The following EEA1 variants were observed in gnomAD, a reference collection of about 807,000 sequenced individuals.
EEA1 encodes the protein early endosome antigen 1, also known as early endosome antigen 1, 162kD.
EEA1 carries 111 observed loss-of-function variants against 209.2 expected under a neutral mutation model. The ratio of observed to expected loss-of-function variants is 0.53; its 90% CI spans 0.45 to 0.62. The LOEUF (loss-of-function observed/expected upper bound fraction) is 0.62. Among genes scored for constraint, EEA1 ranks in the 20% least tolerant of loss-of-function variants. The probability of loss-of-function intolerance (pLI) is 0.00; values close to 1 mark genes in which losing one functional copy is unlikely to be tolerated. For synonymous variants in EEA1, 536 were observed against 540.6 expected (o/e 0.99, Z 0.12); for missense variants, 1,343 against 1,530.8 (o/e 0.88, Z 2.05).
At chr12:92,882,631 C>T (rs58306576) in intron 2 of EEA1, among the ~76,000 whole-genome samples, 2,629 of 152,140 alleles carry the variant, frequency 0.017, 93 homozygotes, top group African/African-American at 0.061. Context: ...TCCATGAGTA[C>T]CCAATGTTTA....
chr12:92,847,460 T>TA (rs530625202), intron 9 of EEA1, among the ~76,000 whole-genome samples: 226 of 152,238 alleles, frequency 1.5e-3, no homozygotes, highest in African/African-American at 5.2e-3. Flanking sequence ...AAGGAAAAGC[T>TA]AAAAAACAAA....
chr12:92,867,244 T>C (rs1249488421), intron 2 of EEA1, among the ~76,000 whole-genome samples: 1 of 152,178 alleles, frequency 6.6e-6, no homozygotes, highest in East Asian at 1.9e-4. Flanking sequence ...GCCATCATAC[T>C]TCAAATTTCT....
intron 11 of EEA1, 43 bp from the exon 12 acceptor site, chr12:92,828,104 A>G: frequency 1.4e-6 from 2 of 1,410,168 alleles, no homozygotes; most frequent in South Asian, 1.7e-5. Flanking sequence ...ATGTACAAAC[A>G]CACACACAGC....
intron 3 of EEA1, among the ~76,000 whole-genome samples, chr12:92,862,322 G>A (rs1446903626): frequency 3.3e-5 from 5 of 152,286 alleles, no homozygotes; most frequent in African/African-American, 7.2e-5. Context: ...CTGGCCAGGC[G>A]CAGTGACTCA....
chr12:92,909,833 A>T lies in EEA1; in HGVS notation c.25-18112T>A, dbSNP rs563994816. ...GGAGCCCAAGACCAGCCTGGGCAACATGGTGAGACCCCGCCTTAATAAATT... is the reference window on the plus strand; with the variant it reads ...GGAGCCCAAGACCAGCCTGGGCAACTTGGTGAGACCCCGCCTTAATAAATT... On this transcript the variant is annotated intron_variant, in intron 1 of 28. Transcript: ENST00000322349. Among the ~76,000 whole-genome samples the T allele has an allele frequency of 9.9e-5, 15 of 152,044 alleles. No homozygotes were observed. In the East Asian group the frequency reaches 2.7e-3, roughly 28 times the overall value.
intron 11 of EEA1, among the ~76,000 whole-genome samples, chr12:92,830,736 G>T (rs562685011): frequency 6.6e-6 from 1 of 152,282 alleles, no homozygotes; most frequent in African/African-American, 2.4e-5. Context: ...AGATCACTAT[G>T]GATAGTGCAT....
chr12:92,849,866 C>T (rs998019180), intron 9 of EEA1, among the ~76,000 whole-genome samples: 4 of 151,948 alleles, frequency 2.6e-5, no homozygotes, highest in Non-Finnish European at 4.4e-5. Flanking sequence ...ACTTTTTAAA[C>T]TGAAAATATG....
intron 1 of EEA1, among the ~76,000 whole-genome samples, chr12:92,894,902 A>G (rs768690632): frequency 6.6e-6 from 1 of 152,190 alleles, no homozygotes; most frequent in Non-Finnish European, 1.5e-5. Context: ...ATAGCTAGAG[A>G]AGAGAAATCA....
Position 92,797,150 on chromosome 12 carries a change from C to T in EEA1, c.2967+1742G>A, listed in dbSNP as rs149888809. Among the ~76,000 whole-genome samples the T allele has an allele frequency of 5.3e-4, 81 of 152,294 alleles. 1 individual carries two copies. The highest frequency in any genetic ancestry group is 8.8e-4 in the Non-Finnish European group (60 of 68,026). ...TTGCCCAAGCTGGAGTGCAGTGGCA[C>T]GATCTTGGCTCACTGCAACCTCTGC... On this transcript the variant is annotated intron_variant, in intron 21 of 28. Transcript: ENST00000322349.
chr12:92,856,078 G>A (rs982594739), intron 5 of EEA1, among the ~76,000 whole-genome samples: 1 of 152,080 alleles, frequency 6.6e-6, no homozygotes, highest in Non-Finnish European at 1.5e-5. Context: ...AATTCTTGGT[G>A]CAAAGGCTTT....
intron 16 of EEA1, among the ~76,000 whole-genome samples, chr12:92,812,638 C>T (rs1875573767): frequency 6.6e-6 from 1 of 152,082 alleles, no homozygotes; most frequent in African/African-American, 2.4e-5. Context: ...GTGGTCTGCC[C>T]CATCCAATCA....
intron 6 of EEA1, 69 bp downstream of exon 6, chr12:92,853,846 A>G: frequency 7.0e-7 from 1 of 1,422,062 alleles, no homozygotes; most frequent in East Asian, 2.4e-5. Flanking sequence ...CAGGCATCAA[A>G]GAAAAAGAAA....
chr12:92,923,272 C>T (rs898730621), intron 1 of EEA1, among the ~76,000 whole-genome samples: 29 of 152,144 alleles, frequency 1.9e-4, no homozygotes, highest in African/African-American at 5.8e-4. Flanking sequence ...GGCGTGAACC[C>T]GGGAGGCGGA....
At chr12:92,857,954 C>A in intron 3 of EEA1, 1 of 238,636 alleles carries the variant, frequency 4.2e-6, no homozygotes, top group Non-Finnish European at 8.1e-6. Flanking sequence ...CACTCTGCAC[C>A]ACCATTGGTT....
chr12:92,882,429 T>C (rs1299104293), intron 2 of EEA1, among the ~76,000 whole-genome samples: 1 of 151,994 alleles, frequency 6.6e-6, no homozygotes, highest in Non-Finnish European at 1.5e-5. Flanking sequence ...TTTCCACTTT[T>C]ATTTTAGATT....
At chr12:92,895,989 T>C (rs78897010) in intron 1 of EEA1, among the ~76,000 whole-genome samples, 1 of 151,902 alleles carries the variant, frequency 6.6e-6, no homozygotes, top group Non-Finnish European at 1.5e-5. Context: ...TTTTTTTTTT[T>C]CTTGAGACGG....
At chr12:92,799,991 C>T (rs973438613) in intron 20 of EEA1, among the ~76,000 whole-genome samples, 18 of 151,750 alleles carry the variant, frequency 1.2e-4, no homozygotes, top group African/African-American at 4.1e-4. Flanking sequence ...TGGAGGCCAA[C>T]GCGGGCAGGT....
chr12:92,894,560 C>T (rs1879788901), intron 1 of EEA1, among the ~76,000 whole-genome samples: 1 of 152,114 alleles, frequency 6.6e-6, no homozygotes, highest in Non-Finnish European at 1.5e-5. Flanking sequence ...GTTTTAGTGA[C>T]ATGGATATAA....
rs1874812405 is a variant in EEA1 at position 92,799,614 on chromosome 12, A to G, written c.2773-528T>C. On this transcript the variant is annotated intron_variant, in intron 20 of 28. Transcript: ENST00000322349. ...ATCCTGGCTAACACAGTGAAACCCC[A>G]TCTCTACTAAAAATACAAAAAAATT... is the stretch of plus-strand genomic sequence containing the variant. Among the ~76,000 whole-genome samples the G allele has an allele frequency of 1.3e-5, 2 of 151,554 alleles. 1 individual carries two copies. The highest frequency in any genetic ancestry group is 4.2e-4 in the South Asian group (2 of 4,800).
Sources: gnomAD v4.1 joint callset for allele counts (sites outside exome capture counted in the v4.1 genomes callset) on GRCh38, gnomAD v4.1.1 for gene constraint, MANE v1.5 for transcripts, NCBI Gene and HGNC (gene_info 2026-07-23, HGNC 2026-07-21) for gene names.